The following CGGBP1 variants were observed in gnomAD, a reference collection of about 807,000 sequenced individuals.
CGGBP1 encodes the protein CGG triplet repeat binding protein 1.
In CGGBP1, 4 loss-of-function variants were observed where a neutral mutation model predicts 11.4. That is an observed-to-expected ratio of 0.35 (90% CI 0.17 to 0.80). CGGBP1 has a LOEUF of 0.80. Among genes scored for constraint, CGGBP1 ranks in the 30% least tolerant of loss-of-function variants. The pLI is 0.52. For missense variants in CGGBP1, 135 were observed against 202.1 expected (o/e 0.67, Z 2.01); for synonymous variants, 76 against 74.1 (o/e 1.03, Z -0.13).
At chr3:88,139,614 G>A in intron 2 of CGGBP1, 1 of 1,613,654 alleles carries the variant, frequency 6.2e-7, no homozygotes, top group Non-Finnish European at 8.5e-7. Context: ...TTCTAGTGAA[G>A]GAAACAAAGA....
At chr3:88,139,388 A>G (rs1223188280) in intron 2 of CGGBP1, 1 of 1,613,708 alleles carries the variant, frequency 6.2e-7, no homozygotes, top group South Asian at 1.1e-5. Flanking sequence ...GCAGTTTTGC[A>G]TGTGTAATAT....
chr3:88,097,931 G>C (rs1704164382), intron 2 of CGGBP1, among the ~76,000 whole-genome samples: 1 of 152,082 alleles, frequency 6.6e-6, no homozygotes, highest in South Asian at 2.1e-4. Flanking sequence ...TACTAGAGAA[G>C]CAAGAGCAAA....
At chr3:88,057,143 G>A (rs1706564414) in intron 3 of CGGBP1, 48 bp downstream of exon 3, 1 of 152,156 alleles carries the variant, frequency 6.6e-6, no homozygotes, top group Admixed American at 6.5e-5. Flanking sequence ...GAAGAATTAT[G>A]TCTCATAAGT....
At chr3:88,072,981 T>C (rs1707601511) in intron 2 of CGGBP1, among the ~76,000 whole-genome samples, 1 of 148,714 alleles carries the variant, frequency 6.7e-6, no homozygotes, top group Non-Finnish European at 1.5e-5. Flanking sequence ...TTGTTAGTTT[T>C]AAAATGTAGG....
intron 1 of CGGBP1, chr3:88,144,283 G>C (rs1337348027): frequency 6.6e-6 from 1 of 152,190 alleles, no homozygotes. Flanking sequence ...CATTGAACTT[G>C]TGATTCTTTT....
chr3:88,057,512 T>C (rs1480080738), intron 2 of CGGBP1: 3 of 152,148 alleles, frequency 2.0e-5, no homozygotes, highest in African/African-American at 7.2e-5. Flanking sequence ...CAGTACCAAT[T>C]ATGATTAATG....
rs1343704647 is a variant in CGGBP1, at chr3:88,123,034, GA to G, written c.-229+17935del. Among the ~76,000 whole-genome samples the G allele has an allele frequency of 5.4e-5, 8 of 148,936 alleles. No homozygotes were observed. The East Asian group carries it at 9.8e-4, about 18-fold the overall frequency. ...CTCAAAAAAAAAAAAAAAGTAAAAA[GA>G]AAAAAAGAAAAATACAATGTGTATA... is the stretch of plus-strand genomic sequence containing the variant. On this transcript the variant is annotated intron_variant, in intron 2 of 3. Transcript: ENST00000462901.
chr3:88,141,650 T>G (rs748582322), intron 1 of CGGBP1: 2 of 1,509,826 alleles, frequency 1.3e-6, no homozygotes, highest in Admixed American at 3.9e-5. Flanking sequence ...TACAGGTGCC[T>G]GATGAAAACG....
chr3:88,116,281 G>A (rs1705385414), intron 2 of CGGBP1, among the ~76,000 whole-genome samples: 2 of 152,228 alleles, frequency 1.3e-5, no homozygotes, highest in South Asian at 4.2e-4. Flanking sequence ...AGCACTTTGG[G>A]AGGCCGAGGC....
chr3:88,113,151 T>A, intron 2 of CGGBP1: 2 of 1,534,132 alleles, frequency 1.3e-6, no homozygotes, highest in Non-Finnish European at 1.7e-6. Flanking sequence ...TTGGAAGAGA[T>A]GAGTTTTATG....
At chr3:88,137,339 G>A (rs1706859379) in intron 2 of CGGBP1, among the ~76,000 whole-genome samples, 1 of 151,910 alleles carries the variant, frequency 6.6e-6, no homozygotes, top group African/African-American at 2.4e-5. Flanking sequence ...TTAGAAATCA[G>A]TAGTTGGAAT....
At chr3:88,141,432 A>G (rs772294256) in intron 1 of CGGBP1, among the ~76,000 whole-genome samples, 7 of 152,080 alleles carry the variant, frequency 4.6e-5, no homozygotes, top group Non-Finnish European at 7.4e-5. Context: ...GCATTCCAGA[A>G]TATAAATCAA....
In CGGBP1 at chr3:88,058,958, G is replaced by T. The variant is rs1706670344; in HGVS notation, c.-474C>A. The T allele has an allele frequency of 1.9e-5, 4 of 205,970 alleles. No homozygotes were observed. In the South Asian group the frequency reaches 4.0e-4, roughly 20 times the overall value. The allele number at this position is 205,970 out of a possible 1,614,324, so 12.8% of individuals were successfully genotyped here. On this transcript the variant is annotated 5_prime_UTR_variant, in exon 1 of 4. Coordinates refer to ENST00000482016, the MANE Select transcript of CGGBP1 (RefSeq NM_001008390.2). ...CCGCCGTTGCCCGATCGAGCCCCGC[G>T]GCGGCCGCCGTGTCCCCCGCCGCGC...
At chr3:88,094,785 CTTT>C (rs570985392) in intron 2 of CGGBP1, among the ~76,000 whole-genome samples, 15 of 151,912 alleles carry the variant, frequency 9.9e-5, no homozygotes, top group Admixed American at 9.8e-4. Context: ...CAGAGCTGAA[CTTT>C]TTTTTCTTTT....
At chr3:88,139,089 C>G in intron 2 of CGGBP1, 1 of 1,262,394 alleles carries the variant, frequency 7.9e-7, no homozygotes, top group Non-Finnish European at 9.9e-7. Flanking sequence ...AGTTAGATTT[C>G]TAAATGAAAG....
chr3:88,139,004 G>A, intron 2 of CGGBP1: 1 of 1,246,418 alleles, frequency 8.0e-7, no homozygotes, highest in East Asian at 3.1e-5. Context: ...AAAAGGGATT[G>A]TTTTTTGACC....
intron 3 of CGGBP1, chr3:88,056,315 TAGGATATAAATTACATTC>T (rs1284317490): frequency 5.3e-6 from 1 of 187,890 alleles, no homozygotes; most frequent in Non-Finnish European, 1.1e-5. Flanking sequence ...GTTCAACATT[TAGGATATAAATTACATTC>T]AGGATATAAA....
intron 2 of CGGBP1, among the ~76,000 whole-genome samples, chr3:88,091,866 G>C (rs1214098723): frequency 1.3e-5 from 2 of 152,144 alleles, no homozygotes; most frequent in Non-Finnish European, 2.9e-5. Flanking sequence ...GTAGAACTGT[G>C]AGTCCATTAA....
At chr3:88,063,933 A>G (rs1707042652), upstream of CGGBP1, among the ~76,000 whole-genome samples, 1 of 152,150 alleles carries the variant, frequency 6.6e-6, no homozygotes, top group Admixed American at 6.5e-5. Context: ...GGTGTAAACC[A>G]AAACAACTTG....
Sources: gnomAD v4.1 joint callset for allele counts (sites outside exome capture counted in the v4.1 genomes callset) on GRCh38, gnomAD v4.1.1 for gene constraint, MANE v1.5 for transcripts, NCBI Gene and HGNC (gene_info 2026-07-23, HGNC 2026-07-21) for gene names.